The following AMOTL1 variants were observed in gnomAD, a reference collection of about 807,000 sequenced individuals.
AMOTL1 encodes the protein angiomotin-like protein 1.
Under a neutral mutation model 102.9 loss-of-function variants are expected in AMOTL1, and 45 were observed. The observed-to-expected ratio is 0.44, with a 90% CI of 0.34 to 0.56. AMOTL1 has a LOEUF of 0.56. Among genes scored for constraint, AMOTL1 ranks in the 20% least tolerant of loss-of-function variants. The pLI, the probability that AMOTL1 is intolerant of heterozygous loss-of-function variation, is 0.01. For synonymous variants in AMOTL1, 481 were observed against 484.7 expected (o/e 0.99, Z 0.10); for missense variants, 1,114 against 1,225.6 (o/e 0.91, Z 1.36).
At chr11:94,788,653 T>C (rs1951233814) in intron 1 of AMOTL1, among the ~76,000 whole-genome samples, 1 of 152,202 alleles carries the variant, frequency 6.6e-6, no homozygotes, top group Admixed American at 6.5e-5. Flanking sequence ...TGTGTGCACG[T>C]TGGTCTCTGG....
At chr11:94,727,369 C>T (rs1025766462) in intron 1 of AMOTL1, among the ~76,000 whole-genome samples, 1 of 152,044 alleles carries the variant, frequency 6.6e-6, no homozygotes, top group African/African-American at 2.4e-5. Context: ...GTGATTATGG[C>T]CCAATATTGG....
chr11:94,821,940 C>T, intron 4 of AMOTL1, 119 bp downstream of exon 4: 1 of 1,324,224 alleles, frequency 7.6e-7, no homozygotes, highest in Non-Finnish European at 1.0e-6. Context: ...AGGCCCTGTG[C>T]AAGGCTTTAG....
intron 3 of AMOTL1, among the ~76,000 whole-genome samples, chr11:94,805,612 A>G (rs761840311): frequency 3.9e-5 from 6 of 152,168 alleles, no homozygotes; most frequent in Non-Finnish European, 5.9e-5. Flanking sequence ...CAGCCTGTAC[A>G]TTGCCTTTTT....
upstream of AMOTL1, among the ~76,000 whole-genome samples, chr11:94,767,771 G>A (rs969101612): frequency 6.7e-6 from 1 of 148,606 alleles, no homozygotes; most frequent in Non-Finnish European, 1.5e-5. Flanking sequence ...GCAGATAACA[G>A]CCTGGGGATT....
intron 6 of AMOTL1, among the ~76,000 whole-genome samples, chr11:94,837,294 C>T (rs969470241): frequency 6.6e-6 from 1 of 152,162 alleles, no homozygotes; most frequent in Non-Finnish European, 1.5e-5. Flanking sequence ...GAATGAATCT[C>T]CCAATTTAGC....
chr11:94,869,956 G>A (rs973886478), intron 12 of AMOTL1, among the ~76,000 whole-genome samples: 12 of 152,234 alleles, frequency 7.9e-5, no homozygotes, highest in African/African-American at 2.7e-4. Context: ...ACTTGGGCCA[G>A]GACTAACGAG....
At chr11:94,740,631 C>A (rs968447897) in intron 2 of AMOTL1, among the ~76,000 whole-genome samples, 1 of 150,022 alleles carries the variant, frequency 6.7e-6, no homozygotes, top group Non-Finnish European at 1.5e-5. Context: ...GCAGAGGATG[C>A]GGCCGCGGCC....
At chr11:94,834,411 C>A (rs1167508686) in intron 6 of AMOTL1, among the ~76,000 whole-genome samples, 1 of 152,044 alleles carries the variant, frequency 6.6e-6, no homozygotes, top group Admixed American at 6.6e-5. Flanking sequence ...CCCGGTGAAA[C>A]CCTGTCTCTA....
At chr11:94,807,035 A>G (rs1951578931) in intron 3 of AMOTL1, among the ~76,000 whole-genome samples, 1 of 152,112 alleles carries the variant, frequency 6.6e-6, no homozygotes, top group Admixed American at 6.6e-5. Context: ...CCCTAAAACT[A>G]TTAGGTTGGT....
At chr11:94,794,438 A>G (rs1278742281) in intron 1 of AMOTL1, among the ~76,000 whole-genome samples, 2 of 152,212 alleles carry the variant, frequency 1.3e-5, no homozygotes, top group Non-Finnish European at 2.9e-5. Context: ...TGGAGCTGAA[A>G]GGCCAGTGCT....
chr11:94,864,783 C>G lies in AMOTL1; in HGVS notation c.2184C>G (p.Ser728Arg), dbSNP rs1344271710. 6.2e-7 allele frequency: 1 copy of G among 1,613,660 alleles called. No individual in the cohort carries two copies. Among genetic ancestry groups the G allele is most frequent in the Non-Finnish European group, 8.5e-7 (1 of 1,179,750 alleles). Residue 728 changes from serine to arginine, a missense_variant, in exon 10 of 13, where the codon AGC (serine) becomes AGG (arginine). Physicochemically the swap from Ser to Arg is moderately radical, Grantham distance 110. Transcript: ENST00000433060. ...NHSRNGSYGESSLEAHIWQEE... is the reference protein window; with the variant it reads ...NHSRNGSYGERSLEAHIWQEE... ...CACGGAATGGCAGCTACGGAGAGAG[C>G]TCGCTGGAGGCCCACATCTGGCAAG...
chr11:94,783,189 A>G (rs1490437308), intron 1 of AMOTL1, among the ~76,000 whole-genome samples: 3 of 152,230 alleles, frequency 2.0e-5, no homozygotes, highest in Non-Finnish European at 4.4e-5. Flanking sequence ...GTATGGCACT[A>G]GTCAAGTTAC....
Position 94,775,377 on chromosome 11 carries a change from A to G in AMOTL1, c.49+6817A>G, listed in dbSNP as rs536334343. On this transcript the variant is annotated intron_variant, in intron 1 of 12. Transcript: ENST00000433060. ...AAATGTTTTGGAGGCTGATTGATAA[A>G]TAGTTGTAGTAAGGACCAAAGGAGA... Among the ~76,000 whole-genome samples the G allele has an allele frequency of 8.5e-5, 13 of 152,286 alleles. No individual in the cohort carries two copies. In the South Asian group the frequency reaches 2.5e-3, roughly 29 times the overall value.
At chr11:94,814,904 A>T (rs1951740581) in intron 3 of AMOTL1, among the ~76,000 whole-genome samples, 1 of 152,176 alleles carries the variant, frequency 6.6e-6, no homozygotes. Context: ...GATTATAATT[A>T]TTATCATTGT....
chr11:94,864,634 C>A, intron 9 of AMOTL1, 101 bp from the exon 10 acceptor site: 2 of 1,495,650 alleles, frequency 1.3e-6, no homozygotes, highest in South Asian at 2.7e-5. Flanking sequence ...GAGCTGATCT[C>A]TGTTCCAGCA....
intron 3 of AMOTL1, among the ~76,000 whole-genome samples, chr11:94,754,882 A>G (rs1439560058): frequency 6.6e-6 from 1 of 152,198 alleles, no homozygotes; most frequent in African/African-American, 2.4e-5. Flanking sequence ...TTTGTTGTTT[A>G]TCTTCAGATA....
At chr11:94,779,268 G>A (rs1015815201) in intron 1 of AMOTL1, among the ~76,000 whole-genome samples, 1 of 152,114 alleles carries the variant, frequency 6.6e-6, no homozygotes, top group Non-Finnish European at 1.5e-5. Flanking sequence ...AATATTTTTG[G>A]TGGTGGTTTT....
At chr11:94,775,149 GT>G (rs764645192) in intron 1 of AMOTL1, among the ~76,000 whole-genome samples, 45 of 152,328 alleles carry the variant, frequency 3.0e-4, no homozygotes, top group Non-Finnish European at 2.4e-4. Context: ...GTGTAAAATA[GT>G]TTTCTTAAAA....
intron 2 of AMOTL1, chr11:94,740,932 C>T: frequency 7.8e-7 from 1 of 1,289,052 alleles, no homozygotes; most frequent in African/African-American, 1.5e-5. Context: ...TTTTCTTCTC[C>T]CCCAGACAGT....
Sources: allele counts gnomAD v4.1 joint callset (sites outside exome capture counted in the v4.1 genomes callset), GRCh38; gene constraint gnomAD v4.1.1; transcripts MANE v1.5; gene names NCBI Gene and HGNC (gene_info 2026-07-23, HGNC 2026-07-21).